The following CEP89 variants were observed in gnomAD, a reference collection of about 807,000 sequenced individuals.
The protein encoded by CEP89 is centrosomal protein of 89 kDa.
In CEP89, 95 loss-of-function variants were observed where a neutral mutation model predicts 97.6. The ratio of observed to expected loss-of-function variants is 0.97; its 90% confidence interval spans 0.82 to 1.15. The LOEUF is 1.15. CEP89 is among the 50% of genes most tolerant of loss of function. The probability of loss-of-function intolerance (pLI) is 0.00; values close to 1 mark genes in which losing one functional copy is unlikely to be tolerated. For synonymous variants in CEP89, 354 were observed against 349.1 expected (o/e 1.01, Z -0.16); for missense variants, 869 against 947.7 (o/e 0.92, Z 1.09).
At chr19:32,928,622 C>A (rs546819447) in intron 9 of CEP89, among the ~76,000 whole-genome samples, 34 of 152,278 alleles carry the variant, frequency 2.2e-4, no homozygotes, top group African/African-American at 7.9e-4. Context: ...CAGCTCACAG[C>A]TCCCTGTTCT....
chr19:32,963,607 A>C (rs2145973616), intron 2 of CEP89: 1 of 152,284 alleles, frequency 6.6e-6, no homozygotes, highest in African/African-American at 2.4e-5. Context: ...AGTGTGCTTT[A>C]AGACACTGCC....
intron 4 of CEP89, among the ~76,000 whole-genome samples, chr19:32,953,357 G>A (rs1436149659): frequency 1.3e-5 from 2 of 151,784 alleles, no homozygotes; most frequent in African/African-American, 2.4e-5. Context: ...AGAAAAGAAC[G>A]AGATTGCTAA....
intron 14 of CEP89, among the ~76,000 whole-genome samples, chr19:32,908,132 A>G (rs1338146314): frequency 6.6e-6 from 1 of 152,216 alleles, no homozygotes; most frequent in African/African-American, 2.4e-5. Context: ...CTTAATGATG[A>G]GTTTCTCAGA....
At position 32,877,090 on chromosome 19, in the gene CEP89, T is replaced by A. The variant is rs1363244904; in HGVS notation, c.*2072A>T. 6.6e-6 allele frequency: 1 copy of A among 152,208 alleles called. No individual in the cohort carries two copies. Among genetic ancestry groups the A allele is most frequent in the Non-Finnish European group, 1.5e-5 (1 of 68,038 alleles). 9.4% of individuals were successfully genotyped at this position (152,208 alleles called of 1,614,324 possible). A position where few individuals can be genotyped will look rare whatever the true frequency, so the allele number is the denominator to read the frequency against. On this transcript the variant is annotated 3_prime_UTR_variant, in exon 19 of 19. Coordinates refer to ENST00000305768, the MANE Select transcript of CEP89 (RefSeq NM_032816.5). ...GGCCGTAAATGCCTTTGAAATAGCA[T>A]CACAGTTATTTGTTAGGTCATCTCC...
intron 14 of CEP89, among the ~76,000 whole-genome samples, chr19:32,904,074 C>T (rs937849465): frequency 6.6e-6 from 1 of 152,192 alleles, no homozygotes; most frequent in Non-Finnish European, 1.5e-5. Context: ...GCAGGAGGAT[C>T]ACTTGAGCCC....
At chr19:32,957,170 C>A (rs1971066318) in intron 3 of CEP89, among the ~76,000 whole-genome samples, 1 of 152,192 alleles carries the variant, frequency 6.6e-6, no homozygotes, top group Admixed American at 6.5e-5. Flanking sequence ...TAAAATATGA[C>A]AGGGCTGGGC....
intron 17 of CEP89, among the ~76,000 whole-genome samples, chr19:32,882,822 A>G (rs1465688259): frequency 6.6e-6 from 1 of 152,086 alleles, no homozygotes; most frequent in Non-Finnish European, 1.5e-5. Flanking sequence ...TTTTTACTGT[A>G]TAGTACTGAA....
chr19:32,946,780 T>C (rs1439847729), intron 5 of CEP89, among the ~76,000 whole-genome samples: 1 of 152,166 alleles, frequency 6.6e-6, no homozygotes, highest in Non-Finnish European at 1.5e-5. Context: ...CCATGTAAGA[T>C]GTGCCTTTCA....
intron 1 of CEP89, among the ~76,000 whole-genome samples, chr19:32,967,755 C>T (rs988155142): frequency 6.6e-6 from 1 of 152,150 alleles, no homozygotes; most frequent in African/African-American, 2.4e-5. Flanking sequence ...GAAGAGGGAA[C>T]GGCATGAACA....
chr19:32,961,347 GA>G, intron 2 of CEP89, among the ~76,000 whole-genome samples: 1 of 151,056 alleles, frequency 6.6e-6, no homozygotes, highest in East Asian at 2.0e-4. Flanking sequence ...GAGGAGGGCG[GA>G]TCATGAGGTC....
At chr19:32,906,005 T>C (rs1024616038) in intron 14 of CEP89, among the ~76,000 whole-genome samples, 1 of 152,224 alleles carries the variant, frequency 6.6e-6, no homozygotes, top group Non-Finnish European at 1.5e-5. Context: ...TCTACCTTGT[T>C]AGAGATTAAG....
chr19:32,964,755 G>C (rs1971245669), intron 2 of CEP89, among the ~76,000 whole-genome samples: 1 of 152,122 alleles, frequency 6.6e-6, no homozygotes, highest in South Asian at 2.1e-4. Flanking sequence ...GGTTGCCTGG[G>C]GATGAACAGG....
At chr19:32,946,965 T>C (rs1459044075) in intron 5 of CEP89, among the ~76,000 whole-genome samples, 3 of 152,214 alleles carry the variant, frequency 2.0e-5, no homozygotes, top group Non-Finnish European at 4.4e-5. Flanking sequence ...ATTACTTTTG[T>C]AATTTAAAAA....
intron 3 of CEP89, among the ~76,000 whole-genome samples, chr19:32,959,313 T>C (rs960684490): frequency 6.6e-6 from 1 of 152,098 alleles, no homozygotes; most frequent in Non-Finnish European, 1.5e-5. Flanking sequence ...AGATCATGCC[T>C]AGCCCTTGAG....
At chr19:32,943,957 G>T (rs545026896) in intron 5 of CEP89, among the ~76,000 whole-genome samples, 7 of 152,234 alleles carry the variant, frequency 4.6e-5, no homozygotes, top group African/African-American at 1.4e-4. Flanking sequence ...GCCAGATGAG[G>T]TGTCTCATGC....
chr19:32,964,979 C>T (rs1422495667), intron 2 of CEP89, among the ~76,000 whole-genome samples: 1 of 152,178 alleles, frequency 6.6e-6, no homozygotes, highest in Non-Finnish European at 1.5e-5. Flanking sequence ...GATCATAGCT[C>T]ACCGCAGCCT....
At chr19:32,912,607 C>A (rs1213519560) in intron 14 of CEP89, among the ~76,000 whole-genome samples, 2 of 152,184 alleles carry the variant, frequency 1.3e-5, no homozygotes, top group African/African-American at 4.8e-5. Flanking sequence ...TTGGTTGCTT[C>A]TCTCGAAAAC....
rs1969725963 is a variant in CEP89, at chr19:32,899,852, C to T, written c.1875+5G>A. On this transcript the variant is annotated splice_donor_5th_base_variant and intron_variant, in intron 16 of 18. Coordinates refer to ENST00000305768, the MANE Select transcript of CEP89 (RefSeq NM_032816.5). ...TTTACTTGATGTAACCTTCAGGAAA[C>T]TTACCAAACACATAAGACTGTCACG... The T allele has an allele frequency of 1.2e-6, 2 of 1,608,898 alleles. No individual in the cohort carries two copies. Among genetic ancestry groups the T allele is most frequent in the African/African-American group, 2.7e-5 (2 of 74,732 alleles).
At chr19:32,887,948 G>A (rs957275295) in intron 16 of CEP89, 107 bp from the exon 17 acceptor site, 3 of 699,426 alleles carry the variant, frequency 4.3e-6, no homozygotes, top group Non-Finnish European at 7.5e-6. Flanking sequence ...TCTTCATTCT[G>A]CAACCTGTCC....
Sources: gnomAD v4.1 joint callset for allele counts (sites outside exome capture counted in the v4.1 genomes callset) on GRCh38, gnomAD v4.1.1 for gene constraint, MANE v1.5 for transcripts, NCBI Gene and HGNC (gene_info 2026-07-23, HGNC 2026-07-21) for gene names.